PROX1: variants seen among roughly 807,000 people sequenced by gnomAD.
PROX1 encodes prospero homeobox 1, also known as prospero homeobox protein 1.
In PROX1, 7 loss-of-function variants were observed where a neutral mutation model predicts 58.8. The observed-to-expected ratio is 0.12, with a 90% CI of 0.07 to 0.22. The LOEUF (loss-of-function observed/expected upper bound fraction) is 0.22. Ranked by LOEUF, PROX1 falls within the 10% of genes least tolerant of loss-of-function variation. The pLI is 1.00. For synonymous variants in PROX1, 350 were observed against 358.3 expected (o/e 0.98, Z 0.26); for missense variants, 675 against 927.8 (o/e 0.73, Z 3.54).
intron 4 of PROX1, among the ~76,000 whole-genome samples, chr1:214,019,266 T>G (rs1389586441): frequency 1.3e-5 from 2 of 151,814 alleles, no homozygotes. Flanking sequence ...CCCCAAAATA[T>G]GTTGTGCATT....
Position 214,036,641 on chromosome 1 carries a change from C to T in PROX1, c.*807C>T, listed in dbSNP as rs142722706. On this transcript the variant is annotated 3_prime_UTR_variant, in exon 5 of 5. Coordinates refer to ENST00000366958, the MANE Select transcript of PROX1 (RefSeq NM_001270616.2). ...TTCTTCATAAAGAAAAATCCTATAACTTGTTATCATTTTTGCTTCAGATAC... is the reference window on the plus strand; with the variant it reads ...TTCTTCATAAAGAAAAATCCTATAATTTGTTATCATTTTTGCTTCAGATAC... The T allele has an allele frequency of 6.6e-6, 1 of 152,304 alleles. No individual in the cohort carries two copies. The highest frequency in any genetic ancestry group is 2.4e-5 in the African/African-American group (1 of 41,572). 9.4% of individuals were successfully genotyped at this position (152,304 alleles called of 1,614,324 possible).
chr1:213,986,131 T>C (rs1159255488), upstream of PROX1: 1 of 152,228 alleles, frequency 6.6e-6, no homozygotes, highest in Non-Finnish European at 1.5e-5. Context: ...ATGTTGATTA[T>C]TTCTGCTCCC....
rs377531255 is a variant in PROX1 at position 213,996,958 on chromosome 1, T to G, written c.423T>G (p.Leu141=). The G allele has an allele frequency of 4.1e-5, 66 of 1,613,922 alleles. No homozygotes were observed. The highest frequency in any genetic ancestry group is 5.4e-5 in the Non-Finnish European group (64 of 1,180,028). ...CAAGAGACAGCCCCCCAGAGTGTCT[T>G]TCCCCTTTTGGCAGGCCTACTATGA... The part of the protein sequence containing the change: ...NSSRDSPPEC[L]SPFGRPTMSQ... Residue 141 remains leucine, a synonymous_variant, in exon 2 of 5, where the codon CTT becomes CTG. Coordinates refer to ENST00000366958, the MANE Select transcript of PROX1 (RefSeq NM_001270616.2).
upstream of PROX1, chr1:213,985,717 T>A (rs548903341): frequency 6.6e-6 from 1 of 152,408 alleles, no homozygotes; most frequent in South Asian, 2.1e-4. Flanking sequence ...GCGTGGTGTG[T>A]GCAAAACGTG....
intron 4 of PROX1, among the ~76,000 whole-genome samples, chr1:214,028,155 C>T (rs1362173869): frequency 6.6e-6 from 1 of 152,052 alleles, no homozygotes; most frequent in African/African-American, 2.4e-5. Flanking sequence ...GCTGGAGAAC[C>T]TTCCTCTGCC....
rs773788297 is a variant in PROX1, at chr1:214,011,620, G to A, written c.1933G>A (p.Asp645Asn). ...MEKYARQAIN[D>N]GVTSTEELSI... ...GAAGTACGCACGTCAAGCCATCAAC[G>A]ATGGGGTCACCAGTACTGAAGAGCT... is the stretch of plus-strand genomic sequence containing the variant. Residue 645 changes from aspartate to asparagine, a missense_variant, in exon 4 of 5, where the codon GAT becomes AAT. By Grantham distance (23) the Asp-to-Asn change is conservative. This residue lies in a region of PROX1 where 50 missense variants were observed against 79.3 expected (regional missense o/e 0.63). Transcript: ENST00000366958. 17 of 1,613,970 alleles carry A rather than the reference G, an allele frequency of 1.1e-5. No homozygotes were observed. The highest frequency in any genetic ancestry group is 4.4e-5 in the South Asian group (4 of 91,090).
intron 1 of PROX1, among the ~76,000 whole-genome samples, chr1:213,990,346 A>G (rs956119440): frequency 1.5e-5 from 2 of 137,230 alleles, no homozygotes; most frequent in African/African-American, 5.6e-5. Flanking sequence ...AGGTTTATGA[A>G]TTTATGGTTG....
upstream of PROX1, chr1:213,985,773 G>C (rs1662809766): frequency 6.6e-6 from 1 of 152,258 alleles, no homozygotes; most frequent in Non-Finnish European, 1.5e-5. Flanking sequence ...GGGCTAAAGT[G>C]CAAGCCATTT....
chr1:214,038,710 C>T lies in PROX1; in HGVS notation c.*2876C>T, dbSNP rs1482518104. The T allele has an allele frequency of 6.6e-6, 1 of 152,120 alleles. No homozygotes were observed. Among genetic ancestry groups the T allele is most frequent in the African/African-American group, 2.4e-5 (1 of 41,420 alleles). 9.4% of individuals were successfully genotyped at this position (152,120 alleles called of 1,614,324 possible). A position where few individuals can be genotyped will look rare whatever the true frequency, so the allele number is the denominator to read the frequency against. On this transcript the variant is annotated 3_prime_UTR_variant, in exon 5 of 5. Transcript: ENST00000366958. ...CCAACAAGTACAATTGTTCTTGTGCCTTCTGTGGCTTTCGATTTCATCTTT... is the reference window on the plus strand; with the variant it reads ...CCAACAAGTACAATTGTTCTTGTGCTTTCTGTGGCTTTCGATTTCATCTTT...
chr1:213,996,579 A>G lies in PROX1; in HGVS notation c.44A>G (p.Lys15Arg). 1 of 1,614,176 alleles carries G rather than the reference A, an allele frequency of 6.2e-7. No individual in the cohort carries two copies. Among genetic ancestry groups the G allele is most frequent in the Admixed American group, 1.7e-5 (1 of 60,016 alleles). Residue 15 changes from lysine to arginine, a missense_variant, in exon 2 of 5, where the codon AAG (lysine) becomes AGG (arginine). This residue lies in a region of PROX1 where 157 missense variants were observed against 197.8 expected (regional missense o/e 0.79). Coordinates refer to ENST00000366958, the MANE Select transcript of PROX1 (RefSeq NM_001270616.2). The stretch of plus-strand genomic sequence containing the variant: ...ACAGCCCTCTTAAGCCGGCAAACCA[A>G]GAGGAGAAGAGTTGACATTGGAGTG... ...DSTALLSRQT[K>R]RRRVDIGVKR...
chr1:214,015,429 T>A (rs1408917324), intron 4 of PROX1, among the ~76,000 whole-genome samples: 4 of 152,104 alleles, frequency 2.6e-5, no homozygotes, highest in African/African-American at 7.2e-5. Flanking sequence ...CCAAAAAAAA[T>A]TTTATGGGCA....
chr1:214,014,293 A>G (rs1664019028), intron 4 of PROX1, among the ~76,000 whole-genome samples: 1 of 152,246 alleles, frequency 6.6e-6, no homozygotes, highest in Admixed American at 6.5e-5. Context: ...AAGGTCAAGT[A>G]AAATGAACCT....
In PROX1 at chr1:213,996,891, C is replaced by T. The variant is rs1424274658; in HGVS notation, c.356C>T (p.Thr119Ile). ...PSFQASGLSS[T>I]GSEVHQEDIC... ...TTCCAAGCCAGCGGTCTCTCTAGTA[C>T]AGGCTCCGAAGTACATCAGGAGGAT... The change falls in exon 2 of 5, where the codon ACA (threonine) becomes ATA (isoleucine). Residue 119 changes from threonine (T) to isoleucine (I), a missense_variant. This residue lies in a region of PROX1 where 157 missense variants were observed against 197.8 expected (regional missense o/e 0.79). Transcript: ENST00000366958. 6.2e-7 allele frequency: 1 copy of T among 1,613,972 alleles called. No individual in the cohort carries two copies. The highest frequency in any genetic ancestry group is 8.5e-7 in the Non-Finnish European group (1 of 1,180,038).
rs556826502 is a variant in PROX1 at position 214,014,080 on chromosome 1, T to G, written c.2028+2365T>G. 9.8e-5 allele frequency among the ~76,000 whole-genome samples: 15 copies of G among 152,344 alleles called. No individual in the cohort carries two copies. In the South Asian group the frequency reaches 3.1e-3, roughly 32 times the overall value. On this transcript the variant is annotated intron_variant, in intron 4 of 4. Transcript: ENST00000366958. ...CTCATTTACTGACAAAAGTTTCAGATAAGGTGAGCCCTTCTTTTCCGTGCC... is the reference window on the plus strand; with the variant it reads ...CTCATTTACTGACAAAAGTTTCAGAGAAGGTGAGCCCTTCTTTTCCGTGCC...
At chr1:213,995,770 C>T (rs1663239921) in intron 1 of PROX1, among the ~76,000 whole-genome samples, 1 of 152,078 alleles carries the variant, frequency 6.6e-6, no homozygotes, top group Non-Finnish European at 1.5e-5. Context: ...TCATCTTCAC[C>T]TATGATTTTA....
chr1:213,993,804 A>C (rs1218545435), intron 1 of PROX1, among the ~76,000 whole-genome samples: 1 of 152,108 alleles, frequency 6.6e-6, no homozygotes, highest in African/African-American at 2.4e-5. Context: ...GTTTTGTCTT[A>C]TTTGTTATGT....
At chr1:214,018,478 C>T (rs1297892375) in intron 4 of PROX1, among the ~76,000 whole-genome samples, 1 of 152,100 alleles carries the variant, frequency 6.6e-6, no homozygotes, top group African/African-American at 2.4e-5. Flanking sequence ...CCTGCACCCC[C>T]CAATTTTTGG....
intron 3 of PROX1, among the ~76,000 whole-genome samples, chr1:214,005,694 CCT>C (rs768319959): frequency 6.6e-5 from 10 of 152,248 alleles, no homozygotes; most frequent in South Asian, 4.1e-4. Context: ...TCTTTTTCCC[CCT>C]GTCGAAAAGG....
At chr1:214,013,509 G>A (rs918909531) in intron 4 of PROX1, among the ~76,000 whole-genome samples, 3 of 152,128 alleles carry the variant, frequency 2.0e-5, no homozygotes, top group African/African-American at 7.2e-5. Context: ...TTCATGAGAT[G>A]ACTTCTGCAT....
Sources: allele counts gnomAD v4.1 joint callset (sites outside exome capture counted in the v4.1 genomes callset), GRCh38; gene constraint gnomAD v4.1.1; regional missense constraint gnomAD v4.1.1; transcripts MANE v1.5; gene names NCBI Gene and HGNC (gene_info 2026-07-23, HGNC 2026-07-21).